SEMA3A: variants seen among roughly 807,000 people sequenced by gnomAD.
SEMA3A encodes the protein semaphorin 3A, also known as semaphorin-3A.
A neutral mutation model predicts 97.9 loss-of-function variants in SEMA3A; 29 were observed. The observed-to-expected ratio is 0.30, with a 90% CI of 0.22 to 0.40. The LOEUF (loss-of-function observed/expected upper bound fraction) is 0.40. SEMA3A is among the 10% of genes least tolerant of loss of function. The pLI is 1.00. For missense variants in SEMA3A, 763 were observed against 951.3 expected (o/e 0.80, Z 2.60); for synonymous variants, 321 against 323.7 (o/e 0.99, Z 0.09).
chr7:83,970,091 G>C (rs542704981), intron 15 of SEMA3A, among the ~76,000 whole-genome samples: 1 of 152,268 alleles, frequency 6.6e-6, no homozygotes, highest in African/African-American at 2.4e-5. Context: ...TGAATGGTTA[G>C]AACAAAATAA....
intron 1 of SEMA3A, among the ~76,000 whole-genome samples, chr7:84,444,187 G>C (rs1469868782): frequency 6.6e-6 from 1 of 151,950 alleles, no homozygotes; most frequent in Non-Finnish European, 1.5e-5. Flanking sequence ...CACCCGGCCT[G>C]ATTGTGCTTT....
intron 3 of SEMA3A, among the ~76,000 whole-genome samples, chr7:84,205,580 TA>T (rs1562851338): frequency 2.0e-5 from 3 of 152,328 alleles, no homozygotes; most frequent in Admixed American, 6.5e-5. Context: ...TTTTTCATAA[TA>T]ATTTCCAGAA....
intron 2 of SEMA3A, among the ~76,000 whole-genome samples, chr7:84,342,693 A>C (rs1802199409): frequency 6.6e-6 from 1 of 152,248 alleles, no homozygotes; most frequent in African/African-American, 2.4e-5. Context: ...AATTACGTGT[A>C]TAAACGATTA....
At chr7:84,479,986 T>C (rs1806399793) in intron 1 of SEMA3A, among the ~76,000 whole-genome samples, 3 of 152,164 alleles carry the variant, frequency 2.0e-5, no homozygotes, top group South Asian at 2.1e-4. Flanking sequence ...ACCAGAAAAG[T>C]TTAAGTTAAT....
intron 1 of SEMA3A, among the ~76,000 whole-genome samples, chr7:84,488,209 G>A (rs1002437894): frequency 6.6e-6 from 1 of 151,856 alleles, no homozygotes; most frequent in Admixed American, 6.6e-5. Flanking sequence ...TCTGTCTTGA[G>A]AAGAATGTTT....
chr7:84,469,445 T>C (rs868431201), intron 1 of SEMA3A, among the ~76,000 whole-genome samples: 8 of 152,162 alleles, frequency 5.3e-5, no homozygotes, highest in Admixed American at 6.5e-5. Flanking sequence ...TATAGTGTAA[T>C]GATATTTTTC....
intron 1 of SEMA3A, among the ~76,000 whole-genome samples, chr7:84,485,485 C>G (rs1315005999): frequency 2.0e-5 from 3 of 151,714 alleles, no homozygotes; most frequent in Non-Finnish European, 4.4e-5. Context: ...AAGCAATTTT[C>G]CTGCCTCAGC....
chr7:84,397,293 C>T (rs953706100), intron 1 of SEMA3A, among the ~76,000 whole-genome samples: 26 of 151,402 alleles, frequency 1.7e-4, no homozygotes, highest in Admixed American at 4.6e-4. Context: ...TAAACATTTA[C>T]TAAAAATTTA....
chr7:84,369,612 T>C (rs1450891041), intron 2 of SEMA3A, among the ~76,000 whole-genome samples: 1 of 151,008 alleles, frequency 6.6e-6, no homozygotes, highest in Non-Finnish European at 1.5e-5. Flanking sequence ...CCTAACCTAG[T>C]TGTTTGTAAA....
intron 3 of SEMA3A, among the ~76,000 whole-genome samples, chr7:84,121,480 C>A (rs375698177): frequency 6.6e-6 from 1 of 151,080 alleles, no homozygotes. Flanking sequence ...TCTGTCCTTG[C>A]GATAGTTTGC....
intron 3 of SEMA3A, among the ~76,000 whole-genome samples, chr7:84,248,286 G>T (rs1225519534): frequency 6.6e-6 from 1 of 152,076 alleles, no homozygotes; most frequent in Non-Finnish European, 1.5e-5. Flanking sequence ...TGTATTTGAG[G>T]GAAAATTATT....
chr7:84,099,760 T>A (rs181399379), intron 4 of SEMA3A, among the ~76,000 whole-genome samples: 2 of 152,170 alleles, frequency 1.3e-5, no homozygotes, highest in Non-Finnish European at 2.9e-5. Context: ...ATTTGAGAAT[T>A]GTAATTTTAC....
At position 84,051,855 on chromosome 7, in the gene SEMA3A, G is replaced by A. The variant is rs571302268; in HGVS notation, c.548-5412C>T. ...TGATATTGGCTGTGGGTTTGTCATA[G>A]ATAGCTCTTATTATTTTGAAATACG... On this transcript the variant is annotated intron_variant, in intron 5 of 16. Transcript: ENST00000265362. Among the ~76,000 whole-genome samples the A allele has an allele frequency of 5.9e-3, 898 of 151,166 alleles. 12 individuals are homozygous for A. The highest frequency in any genetic ancestry group is 0.021 in the African/African-American group (863 of 41,352).
At chr7:84,150,211 T>G (rs762067268) in intron 1 of SEMA3A, among the ~76,000 whole-genome samples, 1 of 152,222 alleles carries the variant, frequency 6.6e-6, no homozygotes, top group Non-Finnish European at 1.5e-5. Flanking sequence ...TATGTACATC[T>G]GCCTCATGAA....
intron 4 of SEMA3A, among the ~76,000 whole-genome samples, chr7:84,075,896 T>G (rs1262478693): frequency 6.6e-6 from 1 of 152,192 alleles, no homozygotes; most frequent in African/African-American, 2.4e-5. Context: ...AAGGTGCATG[T>G]AGTAAAAATA....
chr7:84,459,121 C>T (rs183514454), intron 1 of SEMA3A, among the ~76,000 whole-genome samples: 19 of 152,154 alleles, frequency 1.2e-4, no homozygotes, highest in Admixed American at 1.1e-3. Context: ...TAAATATCCC[C>T]TAAGGACCCA....
At chr7:84,046,481 C>T (rs1427396828) in intron 5 of SEMA3A, 38 bp from the exon 6 acceptor site, 1 of 1,607,758 alleles carries the variant, frequency 6.2e-7, no homozygotes, top group Non-Finnish European at 8.5e-7. Flanking sequence ...TTCTTTAATT[C>T]AATTAAGGCA....
At chr7:84,182,961 T>C (rs1797774717) in intron 1 of SEMA3A, among the ~76,000 whole-genome samples, 3 of 152,142 alleles carry the variant, frequency 2.0e-5, no homozygotes, top group South Asian at 4.1e-4. Context: ...CATTATTACT[T>C]TTAATATAAT....
chr7:84,129,067 G>T, intron 3 of SEMA3A, 56 bp downstream of exon 3: 1 of 1,348,342 alleles, frequency 7.4e-7, no homozygotes. Flanking sequence ...TTTGTCCCAA[G>T]CATTTTGAAT....
Sources: gnomAD v4.1 joint callset for allele counts (sites outside exome capture counted in the v4.1 genomes callset) on GRCh38, gnomAD v4.1.1 for gene constraint, MANE v1.5 for transcripts, NCBI Gene and HGNC (gene_info 2026-07-23, HGNC 2026-07-21) for gene names.